PCDHGB4: variants seen among roughly 807,000 people sequenced by gnomAD.
PCDHGB4 encodes the protein protocadherin gamma-B4.
A neutral mutation model predicts 60.5 loss-of-function variants in PCDHGB4; 38 were observed. The observed-to-expected ratio is 0.63, with a 90% CI of 0.48 to 0.82. The LOEUF is 0.82. Among genes scored for constraint, PCDHGB4 ranks in the 40% least tolerant of loss-of-function variants. PCDHGB4 has a pLI of 0.00. For synonymous variants in PCDHGB4, 456 were observed against 509.7 expected (o/e 0.89, Z 1.42); for missense variants, 1,109 against 1,209.6 (o/e 0.92, Z 1.23).
At chr5:141,399,942 G>T (rs780939486) in intron 1 of PCDHGB4, 2 of 1,612,258 alleles carry the variant, frequency 1.2e-6, no homozygotes, top group Admixed American at 3.3e-5. Flanking sequence ...ACCACGTGCT[G>T]CAGGCTAGCG....
At chr5:141,448,223 T>C (rs1377619033) in intron 1 of PCDHGB4, among the ~76,000 whole-genome samples, 1 of 152,204 alleles carries the variant, frequency 6.6e-6, no homozygotes, top group Non-Finnish European at 1.5e-5. Context: ...TGCGAATGTA[T>C]GTGTGGGGTT....
At chr5:141,408,818 A>G in intron 1 of PCDHGB4, 1 of 1,613,578 alleles carries the variant, frequency 6.2e-7, no homozygotes, top group South Asian at 1.1e-5. Flanking sequence ...GGAAGAACAG[A>G]GATCTCATAG....
chr5:141,404,363 A>G (rs1459982001), intron 1 of PCDHGB4: 15 of 1,613,846 alleles, frequency 9.3e-6, no homozygotes, highest in African/African-American at 1.3e-5. Flanking sequence ...AGGTACTTCC[A>G]TCTTCTCCGT....
chr5:141,477,219 G>A lies in PCDHGB4; in HGVS notation c.2398-17588G>A. ...CCAGTACCCGAGGATGCCCCTCTGG[G>A]GACTGTCATCGCTTTGCTCAGTGTG... On this transcript the variant is annotated intron_variant, in intron 1 of 3. Coordinates refer to ENST00000519479, the MANE Select transcript of PCDHGB4 (RefSeq NM_003736.4). The surrounding 1 kb of genome is among the most constrained non-coding windows in gnomAD (Gnocchi z 4.9). 1 of 1,614,162 alleles carries A rather than the reference G, an allele frequency of 6.2e-7. No homozygotes were observed. The highest frequency in any genetic ancestry group is 8.5e-7 in the Non-Finnish European group (1 of 1,180,038).
At chr5:141,469,373 G>A (rs532041259) in intron 1 of PCDHGB4, among the ~76,000 whole-genome samples, 3 of 151,992 alleles carry the variant, frequency 2.0e-5, no homozygotes, top group South Asian at 2.1e-4. Context: ...TAAAGAGATC[G>A]AGACCATCCT....
At chr5:141,427,896 C>T in intron 1 of PCDHGB4, 2 of 1,570,508 alleles carry the variant, frequency 1.3e-6, no homozygotes, top group Non-Finnish European at 1.7e-6. Context: ...CCAGGGCTCG[C>T]CCGCGCTCAG....
At chr5:141,400,018 A>G in intron 1 of PCDHGB4, 2 of 1,612,648 alleles carry the variant, frequency 1.2e-6, no homozygotes, top group African/African-American at 1.3e-5. Context: ...CTTGGGCGAC[A>G]GGGACGCGGC....
In PCDHGB4 at chr5:141,477,031, A is replaced by C; in HGVS notation, c.2398-17776A>C. Reference sequence around the variant, plus strand: ...TAGACCTTGTAACCGGGATGCTGACAATCAAGGGTCGGCTGGACTTCGAGG... The same window carrying C: ...TAGACCTTGTAACCGGGATGCTGACCATCAAGGGTCGGCTGGACTTCGAGG... On this transcript the variant is annotated intron_variant, in intron 1 of 3. Coordinates refer to ENST00000519479, the MANE Select transcript of PCDHGB4 (RefSeq NM_003736.4). This position sits in a 1 kb window ranked among gnomAD's most constrained non-coding sequence, Gnocchi z 4.9. The C allele has an allele frequency of 6.2e-7, 1 of 1,614,248 alleles. No individual in the cohort carries two copies. Among genetic ancestry groups the C allele is most frequent in the Non-Finnish European group, 8.5e-7 (1 of 1,180,040 alleles).
chr5:141,415,740 GTTTTTTTTTTTTTT>G (rs57426385), intron 1 of PCDHGB4: 52 of 625,016 alleles, frequency 8.3e-5, no homozygotes, highest in East Asian at 4.1e-4. Context: ...GTTTATTAAG[GTTTTTTTTTTTTTT>G]TTTTTTTTTT....
At chr5:141,427,870 C>T (rs773176633) in intron 1 of PCDHGB4, 86 of 1,558,630 alleles carry the variant, frequency 5.5e-5, no homozygotes, top group Non-Finnish European at 4.8e-5. Context: ...TTCGAGCTCA[C>T]GATGCAGGCC....
chr5:141,506,435 G>A (rs1470687416), intron 3 of PCDHGB4, among the ~76,000 whole-genome samples: 7 of 126,234 alleles, frequency 5.5e-5, no homozygotes, highest in African/African-American at 2.0e-4. Context: ...CAACAGTCTC[G>A]CTCTGTCTCA....
At chr5:141,405,450 T>G in intron 1 of PCDHGB4, 7 of 1,286,684 alleles carry the variant, frequency 5.4e-6, no homozygotes, top group South Asian at 1.4e-5. Flanking sequence ...GACAGAGTCT[T>G]ACTCTGTTAC....
In PCDHGB4 at chr5:141,431,253, ACT is replaced by A. The variant is rs757246289; in HGVS notation, c.2397+40977_2397+40978del. On this transcript the variant is annotated intron_variant, in intron 1 of 3. Coordinates refer to ENST00000519479, the MANE Select transcript of PCDHGB4 (RefSeq NM_003736.4). This position sits in a 1 kb window ranked among gnomAD's most constrained non-coding sequence, Gnocchi z 4.8. ...GCCTGGGATCCGGATATCGGGAAGA[ACT>A]CTCTGCAGAGCTACGAGCTCAGCCC... 2.2e-5 allele frequency: 35 copies of A among 1,614,014 alleles called. No individual in the cohort carries two copies. In the South Asian group the frequency reaches 3.1e-4, roughly 14 times the overall value.
intron 2 of PCDHGB4, among the ~76,000 whole-genome samples, chr5:141,503,855 TA>T (rs2099832899): frequency 1.3e-5 from 2 of 152,136 alleles, no homozygotes; most frequent in Non-Finnish European, 2.9e-5. Context: ...GGAAAAATTG[TA>T]AAGCAGTTCT....
chr5:141,409,007 C>T, intron 1 of PCDHGB4: 1 of 1,613,932 alleles, frequency 6.2e-7, no homozygotes, highest in Non-Finnish European at 8.5e-7. Context: ...AGCCACTGAC[C>T]AGGATGAGGG....
At position 141,491,640 on chromosome 5, in the gene PCDHGB4, T is replaced by A; in HGVS notation, c.2398-3167T>A. 6.2e-7 allele frequency: 1 copy of A among 1,613,804 alleles called. No homozygotes were observed. Among genetic ancestry groups the A allele is most frequent in the South Asian group, 1.1e-5 (1 of 91,086 alleles). On this transcript the variant is annotated intron_variant, in intron 1 of 3. Coordinates refer to ENST00000519479, the MANE Select transcript of PCDHGB4 (RefSeq NM_003736.4). This position sits in a 1 kb window ranked among gnomAD's most constrained non-coding sequence, Gnocchi z 6.9. ...CCCTCAGCGTTCAGCAGCCCACAGC[T>A]CTGGCGCTGGAGCCTGACGCCATCC...
chr5:141,505,246 G>C, intron 2 of PCDHGB4, 147 bp from the exon 3 acceptor site: 2 of 1,436,674 alleles, frequency 1.4e-6, no homozygotes, highest in Non-Finnish European at 1.9e-6. Flanking sequence ...AAGGATTGTA[G>C]AAGTGCCTCC....
At chr5:141,510,311 C>T (rs375516156) in intron 3 of PCDHGB4, among the ~76,000 whole-genome samples, 98 of 151,056 alleles carry the variant, frequency 6.5e-4, no homozygotes, top group African/African-American at 2.3e-3. Flanking sequence ...GAAATGGAGG[C>T]TTGGAAGAGC....
chr5:141,510,814 C>CA, intron 3 of PCDHGB4, 133 bp from the exon 4 acceptor site: 1 of 1,544,688 alleles, frequency 6.5e-7, no homozygotes, highest in Admixed American at 1.8e-5. Flanking sequence ...TTGGTGACCC[C>CA]TATATTCCCA....
Sources: allele counts gnomAD v4.1 joint callset (sites outside exome capture counted in the v4.1 genomes callset), GRCh38; gene constraint gnomAD v4.1.1; non-coding constraint Gnocchi (gnomAD v3.1); transcripts MANE v1.5; gene names NCBI Gene and HGNC (gene_info 2026-07-23, HGNC 2026-07-21).